PCCA: variants seen among roughly 807,000 people sequenced by gnomAD.
The protein encoded by PCCA is propionyl-CoA carboxylase alpha chain, mitochondrial.
In PCCA, 74 loss-of-function variants were observed where a neutral mutation model predicts 101.3. The ratio of observed to expected loss-of-function variants is 0.73; its 90% CI spans 0.61 to 0.89. The LOEUF is 0.89. PCCA is among the 40% of genes least tolerant of loss of function. The pLI is 0.00. For missense variants in PCCA, 891 were observed against 907.0 expected (o/e 0.98, Z 0.23); for synonymous variants, 294 against 313.6 (o/e 0.94, Z 0.66).
intron 7 of PCCA, among the ~76,000 whole-genome samples, chr13:100,224,797 T>C (rs2060052393): frequency 6.6e-6 from 1 of 152,180 alleles, no homozygotes; most frequent in Non-Finnish European, 1.5e-5. Flanking sequence ...GTGAGATTGA[T>C]GATGGACACA....
At chr13:100,165,378 C>A (rs1264242354) in intron 6 of PCCA, among the ~76,000 whole-genome samples, 2 of 152,068 alleles carry the variant, frequency 1.3e-5, no homozygotes, top group South Asian at 4.2e-4. Context: ...TTGTAATGTC[C>A]GCTTTACATA....
chr13:100,521,184 A>G (rs2087257750), intron 22 of PCCA, among the ~76,000 whole-genome samples: 1 of 152,174 alleles, frequency 6.6e-6, no homozygotes, highest in South Asian at 2.1e-4. Context: ...AGGAATTTTA[A>G]AAGAAACTGG....
chr13:100,228,998 A>C (rs529451041), intron 7 of PCCA, among the ~76,000 whole-genome samples: 3 of 151,860 alleles, frequency 2.0e-5, no homozygotes, highest in Non-Finnish European at 4.4e-5. Context: ...CATTGAAATG[A>C]GCTGCTTTCT....
chr13:100,232,776 C>A (rs2060571172), intron 7 of PCCA, among the ~76,000 whole-genome samples: 1 of 152,114 alleles, frequency 6.6e-6, no homozygotes, highest in Non-Finnish European at 1.5e-5. Flanking sequence ...GTATTCTTGC[C>A]TGAGTACTCT....
chr13:100,240,009 A>G (rs1168324694), intron 8 of PCCA, among the ~76,000 whole-genome samples: 2 of 152,088 alleles, frequency 1.3e-5, no homozygotes, highest in East Asian at 1.9e-4. Flanking sequence ...TTCATCTTAT[A>G]TACACTGTCT....
At chr13:100,343,684 A>G (rs2071734987) in intron 18 of PCCA, among the ~76,000 whole-genome samples, 1 of 152,210 alleles carries the variant, frequency 6.6e-6, no homozygotes, top group Non-Finnish European at 1.5e-5. Context: ...TGGGTGTACA[A>G]CTGTATGAAT....
chr13:100,387,658 G>A (rs900943876), intron 19 of PCCA, among the ~76,000 whole-genome samples: 2 of 152,210 alleles, frequency 1.3e-5, no homozygotes, highest in African/African-American at 4.8e-5. Context: ...AATCAAGTCT[G>A]AAGAGTAACC....
intron 19 of PCCA, among the ~76,000 whole-genome samples, chr13:100,380,939 G>A (rs1369100670): frequency 1.3e-5 from 2 of 152,166 alleles, no homozygotes; most frequent in East Asian, 1.9e-4. Flanking sequence ...CTGAATAGAC[G>A]TTTCTCCAAA....
chr13:100,426,008 T>G (rs1482233465), intron 20 of PCCA, among the ~76,000 whole-genome samples: 1 of 152,132 alleles, frequency 6.6e-6, no homozygotes, highest in Non-Finnish European at 1.5e-5. Context: ...AATGCTAGAT[T>G]AGCTGTTTTT....
chr13:100,306,514 G>A (rs1365753409), intron 14 of PCCA, among the ~76,000 whole-genome samples: 1 of 152,166 alleles, frequency 6.6e-6, no homozygotes, highest in African/African-American at 2.4e-5. Flanking sequence ...ATGAAAACAA[G>A]AATCAGTGAT....
At chr13:100,500,916 G>A (rs2085617121) in intron 21 of PCCA, among the ~76,000 whole-genome samples, 1 of 152,206 alleles carries the variant, frequency 6.6e-6, no homozygotes, top group Admixed American at 6.5e-5. Context: ...GGCCGAGGCG[G>A]GTAGATCACA....
intron 4 of PCCA, among the ~76,000 whole-genome samples, chr13:100,141,876 A>G (rs1299636687): frequency 6.6e-6 from 1 of 152,238 alleles, no homozygotes; most frequent in African/African-American, 2.4e-5. Flanking sequence ...AGTGTTCATG[A>G]TTTAGTTAAT....
In PCCA at chr13:100,209,222, A is replaced by G. The variant is rs1324148612; in HGVS notation, c.469-110A>G. 2.0e-5 allele frequency: 18 copies of G among 921,882 alleles called. No individual in the cohort carries two copies. In the East Asian group the frequency reaches 3.9e-4, roughly 20 times the overall value. 57.1% of individuals were successfully genotyped at this position (921,882 alleles called of 1,614,324 possible). The stretch of plus-strand genomic sequence containing the variant: ...TGGCTCAAAAACTGTTGTTTCTGCA[A>G]TAAAAATAATTAGAAAATACACATA... On this transcript the variant is annotated intron_variant, in intron 6 of 23. Coordinates refer to ENST00000376285, the MANE Select transcript of PCCA (RefSeq NM_000282.4).
intron 7 of PCCA, among the ~76,000 whole-genome samples, chr13:100,229,032 C>G (rs1341864554): frequency 1.3e-5 from 2 of 150,830 alleles, no homozygotes; most frequent in Non-Finnish European, 2.9e-5. Context: ...ATAACTTAAA[C>G]TTGTGGCTTT....
At chr13:100,398,681 G>C (rs1245490553) in intron 19 of PCCA, among the ~76,000 whole-genome samples, 2 of 152,092 alleles carry the variant, frequency 1.3e-5, no homozygotes, top group Admixed American at 6.6e-5. Context: ...CTGGAGAATA[G>C]ACTGTTGAGG....
chr13:100,364,917 C>T (rs756134596), intron 18 of PCCA, among the ~76,000 whole-genome samples: 59 of 152,022 alleles, frequency 3.9e-4, no homozygotes, highest in Non-Finnish European at 7.4e-4. Context: ...CTGGTGGTGG[C>T]GCACACCTGT....
Position 100,150,005 on chromosome 13 carries a change from A to G in PCCA, c.301-4974A>G, listed in dbSNP as rs2053092876. Among the ~76,000 whole-genome samples the G allele has an allele frequency of 2.6e-5, 4 of 152,318 alleles. No homozygotes were observed. In the South Asian group the frequency reaches 8.3e-4, roughly 32 times the overall value. ...CTAATATGAAATTTTCTATTAATCC[A>G]GAGTTTTTAAATGCAGGCATAATTC... On this transcript the variant is annotated intron_variant, in intron 4 of 23. Coordinates refer to ENST00000376285, the MANE Select transcript of PCCA (RefSeq NM_000282.4).
intron 14 of PCCA, 151 bp from the exon 15 acceptor site, chr13:100,307,041 A>G (rs775948612): frequency 4.3e-5 from 28 of 657,666 alleles, no homozygotes; most frequent in African/African-American, 1.1e-4. Flanking sequence ...ACGGATCAAG[A>G]TTTTAGATTG....
intron 1 of PCCA, among the ~76,000 whole-genome samples, chr13:100,092,061 C>T (rs2046329248): frequency 6.6e-6 from 1 of 151,946 alleles, no homozygotes; most frequent in Admixed American, 6.6e-5. Flanking sequence ...GCTGGGACTA[C>T]AGGCGCACGC....
Sources: gnomAD v4.1 joint callset for allele counts (sites outside exome capture counted in the v4.1 genomes callset) on GRCh38, gnomAD v4.1.1 for gene constraint, MANE v1.5 for transcripts, NCBI Gene and HGNC (gene_info 2026-07-23, HGNC 2026-07-21) for gene names.